Variants in RANBP2 observed in about 807,000 individuals in gnomAD.
RANBP2 encodes the protein E3 SUMO-protein ligase RanBP2.
RANBP2 carries 57 observed loss-of-function variants against 303.6 expected under a neutral mutation model. The observed-to-expected ratio is 0.19, with a 90% CI of 0.15 to 0.23. The LOEUF (loss-of-function observed/expected upper bound fraction) is 0.23, where lower values mean the gene tolerates loss of function less well. Among genes scored for constraint, RANBP2 ranks in the 10% least tolerant of loss-of-function variants. The pLI, the probability that RANBP2 is intolerant of heterozygous loss-of-function variation, is 1.00. For missense variants in RANBP2, 3,138 were observed against 3,780.8 expected, an observed-to-expected ratio of 0.83 and a Z score of 4.46; for synonymous variants, 1,167 against 1,301.5, an observed-to-expected ratio of 0.90 and a Z score of 2.23.
At chr2:109,694,103 T>C in the RANBP2 span, among the ~76,000 whole-genome samples, 2 of 152,190 alleles carry the variant, frequency 1.3e-5, no homozygotes, top group Non-Finnish European at 2.9e-5. Context: ...TCATGTTGAA[T>C]TGTAATCCCC....
the RANBP2 span, chr2:109,419,449 C>T: frequency 7.6e-7 from 1 of 1,321,756 alleles, no homozygotes. Flanking sequence ...GAAGCACAGG[C>T]ACCTGTGGAT....
chr2:108,979,609 A>G, the RANBP2 span, among the ~76,000 whole-genome samples: 1 of 152,040 alleles, frequency 6.6e-6, no homozygotes, highest in Non-Finnish European at 1.5e-5. Context: ...CATGCTGCTG[A>G]GGTGCAGGGC....
the RANBP2 span, among the ~76,000 whole-genome samples, chr2:109,325,331 C>CTTTT: frequency 4.9e-3 from 326 of 66,268 alleles, no homozygotes; most frequent in East Asian, 8.3e-3. Context: ...TTCTTTCTTT[C>CTTTT]TTTTTTTTTT....
the RANBP2 span, among the ~76,000 whole-genome samples, chr2:109,521,756 T>C: frequency 6.6e-6 from 1 of 152,220 alleles, no homozygotes; most frequent in East Asian, 1.9e-4. Context: ...TGGAGTCCCC[T>C]GAGCAAAGCC....
At chr2:108,780,650 C>T (rs1428119770) in intron 25 of RANBP2, among the ~76,000 whole-genome samples, 2 of 151,652 alleles carry the variant, frequency 1.3e-5, no homozygotes, top group African/African-American at 4.8e-5. Context: ...CTGCCTCAGC[C>T]TCTCAAGTAG....
the RANBP2 span, among the ~76,000 whole-genome samples, chr2:109,347,317 G>C: frequency 6.6e-6 from 1 of 152,150 alleles, no homozygotes; most frequent in Non-Finnish European, 1.5e-5. Flanking sequence ...GTGGGCCTTA[G>C]GAAAGTCACC....
At chr2:109,434,180 G>A in the RANBP2 span, among the ~76,000 whole-genome samples, 1 of 152,196 alleles carries the variant, frequency 6.6e-6, no homozygotes, top group Non-Finnish European at 1.5e-5. Flanking sequence ...TGACCAGCTG[G>A]CACCCTCCAG....
the RANBP2 span, chr2:109,543,708 A>G: frequency 6.4e-6 from 1 of 156,486 alleles, no homozygotes; most frequent in Non-Finnish European, 1.4e-5. Flanking sequence ...TGCAGTGACA[A>G]TAGCTTGGTA....
At chr2:109,390,649 C>T in the RANBP2 span, among the ~76,000 whole-genome samples, 10 of 152,184 alleles carry the variant, frequency 6.6e-5, no homozygotes, top group South Asian at 2.1e-4. Flanking sequence ...GGGGTGCGGT[C>T]GGCATTTCTG....
chr2:108,774,584 T>C (rs1263991664), intron 23 of RANBP2, among the ~76,000 whole-genome samples: 2 of 152,356 alleles, frequency 1.3e-5, no homozygotes, highest in East Asian at 3.9e-4. Context: ...CCTTTAAATG[T>C]TGAGCAGTTT....
chr2:109,222,662 G>A, the RANBP2 span, among the ~76,000 whole-genome samples: 1 of 152,200 alleles, frequency 6.6e-6, no homozygotes, highest in African/African-American at 2.4e-5. Flanking sequence ...TGGCCCTGTG[G>A]AGCCTGGCCA....
chr2:109,532,291 T>C, the RANBP2 span, among the ~76,000 whole-genome samples: 3 of 152,224 alleles, frequency 2.0e-5, no homozygotes, highest in Non-Finnish European at 2.9e-5. Flanking sequence ...GAATTATCCA[T>C]CAGTAAAAAC....
chr2:109,515,660 A>G, the RANBP2 span, among the ~76,000 whole-genome samples: 1 of 152,156 alleles, frequency 6.6e-6, no homozygotes, highest in African/African-American at 2.4e-5. Flanking sequence ...CGTTGCTACA[A>G]AGGAATACCT....
chr2:109,086,925 C>T, the RANBP2 span, among the ~76,000 whole-genome samples: 3 of 152,308 alleles, frequency 2.0e-5, no homozygotes, highest in Non-Finnish European at 4.4e-5. Context: ...GAGCTCTTCA[C>T]AAGGGGCGAT....
chr2:109,058,965 C>T, the RANBP2 span, among the ~76,000 whole-genome samples: 5 of 152,042 alleles, frequency 3.3e-5, no homozygotes, highest in African/African-American at 7.2e-5. Context: ...AGTGAAGTGG[C>T]GGGGAGACAG....
At chr2:109,407,588 T>C in the RANBP2 span, among the ~76,000 whole-genome samples, 1 of 152,220 alleles carries the variant, frequency 6.6e-6, no homozygotes, top group Non-Finnish European at 1.5e-5. Flanking sequence ...TTATAAGCTG[T>C]GCAAACTCCG....
chr2:109,585,960 C>T, the RANBP2 span: 2 of 665,734 alleles, frequency 3.0e-6, no homozygotes, highest in South Asian at 2.0e-5. Flanking sequence ...ATCATTATAC[C>T]TCACCTAAGA....
At chr2:109,089,086 C>A in the RANBP2 span, among the ~76,000 whole-genome samples, 42 of 149,334 alleles carry the variant, frequency 2.8e-4, no homozygotes, top group African/African-American at 1.0e-3. Flanking sequence ...ACAGGGGAAG[C>A]AATGAAGGTG....
chr2:109,022,963 A>AT, the RANBP2 span, among the ~76,000 whole-genome samples: 1 of 152,150 alleles, frequency 6.6e-6, no homozygotes, highest in African/African-American at 2.4e-5. Context: ...AGGCAGGAGA[A>AT]TCACTTGAAC....
Sources: gnomAD v4.1 joint callset for allele counts (sites outside exome capture counted in the v4.1 genomes callset) on GRCh38, gnomAD v4.1.1 for gene constraint, MANE v1.5 for transcripts, NCBI Gene and HGNC (gene_info 2026-07-23, HGNC 2026-07-21) for gene names.